HOXC13: variants seen among roughly 807,000 people sequenced by gnomAD.
HOXC13 encodes homeobox C13.
A neutral mutation model predicts 25.9 loss-of-function variants in HOXC13; 10 were observed. That is an observed-to-expected ratio of 0.39 (90% CI 0.24 to 0.65). The LOEUF (loss-of-function observed/expected upper bound fraction) is 0.65. Ranked by LOEUF, HOXC13 falls within the 30% of genes least tolerant of loss-of-function variation. The pLI, the probability that HOXC13 is intolerant of heterozygous loss-of-function variation, is 0.50. For missense variants in HOXC13, 439 were observed against 478.3 expected (o/e 0.92, Z 0.77); for synonymous variants, 233 against 217.1 (o/e 1.07, Z -0.64).
At chr12:53,942,306 T>C (rs1245663494) in intron 1 of HOXC13, among the ~76,000 whole-genome samples, 4 of 151,178 alleles carry the variant, frequency 2.6e-5, no homozygotes, top group African/African-American at 7.3e-5. Context: ...TGGACCACAC[T>C]AGAAGTCTTT....
chr12:53,944,944 C>CT, intron 1 of HOXC13, 56 bp from the exon 2 acceptor site: 1 of 1,607,208 alleles, frequency 6.2e-7, no homozygotes, highest in Non-Finnish European at 8.5e-7. Flanking sequence ...CTCGGGTCCT[C>CT]TATCTCAGTC....
At position 53,946,395 on chromosome 12, in the gene HOXC13, T is replaced by G. The variant is rs1938693468; in HGVS notation, c.*1139T>G. On this transcript the variant is annotated 3_prime_UTR_variant, in exon 2 of 2. Coordinates refer to ENST00000243056, the MANE Select transcript of HOXC13 (RefSeq NM_017410.3). ...ACTGGTGCATTACAAAACAGTGTTC[T>G]TTTGAAATGTTCATCAGGAATAGGC... The G allele has an allele frequency of 4.5e-6, 1 of 220,870 alleles. No homozygotes were observed. 13.7% of individuals were successfully genotyped at this position (220,870 alleles called of 1,614,324 possible). A position where few individuals can be genotyped will look rare whatever the true frequency, so the allele number is the denominator to read the frequency against.
At chr12:53,940,782 G>A (rs1404423240) in intron 1 of HOXC13, among the ~76,000 whole-genome samples, 1 of 152,184 alleles carries the variant, frequency 6.6e-6, no homozygotes, top group African/African-American at 2.4e-5. Flanking sequence ...TTGGGGGTGG[G>A]GGGCCCAGGG....
At position 53,946,453 on chromosome 12, in the gene HOXC13, T is replaced by C. The variant is rs1347035651; in HGVS notation, c.*1197T>C. ...AAAAATGTTGTGTATCTGTATATAG[T>C]ATTGTGATGTCTGAATGACAATGTA... is the stretch of plus-strand genomic sequence containing the variant. On this transcript the variant is annotated 3_prime_UTR_variant, in exon 2 of 2. Coordinates refer to ENST00000243056, the MANE Select transcript of HOXC13 (RefSeq NM_017410.3). The C allele has an allele frequency of 4.8e-6, 1 of 210,118 alleles. No homozygotes were observed. The highest frequency in any genetic ancestry group is 2.3e-5 in the African/African-American group (1 of 44,042). 13.0% of individuals were successfully genotyped at this position (210,118 alleles called of 1,614,324 possible).
In HOXC13 at chr12:53,945,260, C is replaced by A. The variant is rs1291918842; in HGVS notation, c.*4C>A. On this transcript the variant is annotated 3_prime_UTR_variant, in exon 2 of 2. Coordinates refer to ENST00000243056, the MANE Select transcript of HOXC13 (RefSeq NM_017410.3). The surrounding 1 kb of genome is among the most constrained non-coding windows in gnomAD (Gnocchi z 4.4). ...GCCTCATCTCCACTCCACCTGACCA[C>A]CCACCCGCTGCTTGCCCCATCTATT... 4 of 1,613,716 alleles carry A rather than the reference C, an allele frequency of 2.5e-6. No individual in the cohort carries two copies. The highest frequency in any genetic ancestry group is 3.4e-6 in the Non-Finnish European group (4 of 1,179,694).
intron 1 of HOXC13, among the ~76,000 whole-genome samples, chr12:53,942,519 A>G (rs1269725399): frequency 1.3e-5 from 2 of 152,120 alleles, no homozygotes; most frequent in Admixed American, 6.5e-5. Flanking sequence ...TTACTCCTCA[A>G]AGGTGTCTAT....
intron 1 of HOXC13, among the ~76,000 whole-genome samples, chr12:53,942,440 G>A (rs941051080): frequency 9.9e-5 from 15 of 151,670 alleles, no homozygotes; most frequent in African/African-American, 3.6e-4. Context: ...GGTGGGCTGT[G>A]GGGAGCTGAA....
chr12:53,941,260 C>T (rs79216850), intron 1 of HOXC13, among the ~76,000 whole-genome samples: 4,264 of 152,226 alleles, frequency 0.028, 174 homozygotes, highest in African/African-American at 0.096. Context: ...AGAGAGATGG[C>T]CCTTTAATTC....
rs993596448 is a variant in HOXC13, at chr12:53,939,826, C to A, written c.736+184C>A. 5.3e-5 allele frequency among the ~76,000 whole-genome samples: 8 copies of A among 152,232 alleles called. No individual in the cohort carries two copies. The highest frequency in any genetic ancestry group is 1.3e-4 in the Admixed American group (2 of 15,288). On this transcript the variant is annotated intron_variant, in intron 1 of 1. Transcript: ENST00000243056. This position sits in a 1 kb window ranked among gnomAD's most constrained non-coding sequence, Gnocchi z 6.7. ...GCCGGGGAAGAAATCTGCTCCGACA[C>A]GTTCTCTGTAGCTGCCCGGCCGAGA...
At position 53,939,236 on chromosome 12, in the gene HOXC13, A is replaced by C. The variant is rs2136354855; in HGVS notation, c.330A>C (p.Ala110=). The stretch of plus-strand genomic sequence containing the variant: ...CGCGCCAGTGTGCCCCGCCGCCCGC[A>C]CCCCCCACCTCGTCCAGCGCCACCC... ...EAARQCAPPP[A]PPTSSSATLG... is the part of the protein sequence containing the mutation. Residue 110 remains alanine (A), a synonymous_variant, in exon 1 of 2, where the codon GCA becomes GCC. Transcript: ENST00000243056. The surrounding 1 kb of genome is among the most constrained non-coding windows in gnomAD (Gnocchi z 6.7). 6.5e-7 allele frequency: 1 copy of C among 1,537,684 alleles called. No individual in the cohort carries two copies. Among genetic ancestry groups the C allele is most frequent in the South Asian group, 1.2e-5 (1 of 83,174 alleles).
chr12:53,938,839 G>T lies in HOXC13; in HGVS notation c.-68G>T. 7.4e-7 allele frequency: 1 copy of T among 1,350,178 alleles called. No individual in the cohort carries two copies. Among genetic ancestry groups the T allele is most frequent in the Non-Finnish European group, 9.9e-7 (1 of 1,012,290 alleles). The allele number at this position is 1,350,178 out of a possible 1,614,324, so 83.6% of individuals were successfully genotyped here. A position where few individuals can be genotyped will look rare whatever the true frequency, so the allele number is the denominator to read the frequency against. On this transcript the variant is annotated 5_prime_UTR_variant, in exon 1 of 2. Coordinates refer to ENST00000243056, the MANE Select transcript of HOXC13 (RefSeq NM_017410.3). ...AGGGATGGGGGGAGGGGAAACAGGA[G>T]CGAGGTGTCTCCCTAGCTCGCTGCC...
rs766157982 is a variant in HOXC13, at chr12:53,938,918, G to T, written c.12G>T (p.Ser4=). ...CAGCAGATCATGTCATGACGACTTC[G>T]CTGCTCCTGCATCCACGCTGGCCGG... MTT[S]LLLHPRWPES... is the part of the protein sequence containing the mutation. The change falls in exon 1 of 2, where the codon TCG becomes TCT. Residue 4 remains serine, a synonymous_variant. Coordinates refer to ENST00000243056, the MANE Select transcript of HOXC13 (RefSeq NM_017410.3). 10 of 1,557,492 alleles carry T rather than the reference G, an allele frequency of 6.4e-6. 1 individual carries two copies. In the South Asian group the frequency reaches 1.0e-4, roughly 16 times the overall value.
In HOXC13 at chr12:53,945,476, T is replaced by A; in HGVS notation, c.*220T>A. The A allele has an allele frequency of 3.4e-6, 2 of 592,726 alleles. No homozygotes were observed. The highest frequency in any genetic ancestry group is 5.9e-6 in the Non-Finnish European group (2 of 336,270). The allele number at this position is 592,726 out of a possible 1,614,324, so 36.7% of individuals were successfully genotyped here. ...CACCCCCATCCAGATGGGACTCACGTGGCTTCAACAGCTTTGGAAATGGGT... is the reference window on the plus strand; with the variant it reads ...CACCCCCATCCAGATGGGACTCACGAGGCTTCAACAGCTTTGGAAATGGGT... On this transcript the variant is annotated 3_prime_UTR_variant, in exon 2 of 2. Transcript: ENST00000243056. This position sits in a 1 kb window ranked among gnomAD's most constrained non-coding sequence, Gnocchi z 4.4.
chr12:53,939,675 G>A lies in HOXC13; in HGVS notation c.736+33G>A, dbSNP rs1196982304. The A allele has an allele frequency of 1.5e-6, 2 of 1,348,354 alleles. No homozygotes were observed. Among genetic ancestry groups the A allele is most frequent in the African/African-American group, 3.0e-5 (2 of 65,974 alleles). The allele number at this position is 1,348,354 out of a possible 1,614,324, so 83.5% of individuals were successfully genotyped here. ...AGGGACCCGAGCGCCGCCGCCGCCG[G>A]GGACCCCTCCCCGCCCTGCCTGCCC... On this transcript the variant is annotated intron_variant, in intron 1 of 1. Coordinates refer to ENST00000243056, the MANE Select transcript of HOXC13 (RefSeq NM_017410.3). This position sits in a 1 kb window ranked among gnomAD's most constrained non-coding sequence, Gnocchi z 6.7.
chr12:53,939,507 C>T lies in HOXC13; in HGVS notation c.601C>T (p.Pro201Ser), dbSNP rs770710514. ...GGTGGTGCCCGGGATCAGCGGGCAC[C>T]CGGAGCCGCGTCACGACGCCCTCAT... ...VSVVPGISGH[P>S]EPRHDALIPV... The change falls in exon 1 of 2, where the codon CCG (proline) becomes TCG (serine). Residue 201 changes from proline to serine, a missense_variant. Coordinates refer to ENST00000243056, the MANE Select transcript of HOXC13 (RefSeq NM_017410.3). This position sits in a 1 kb window ranked among gnomAD's most constrained non-coding sequence, Gnocchi z 6.7. The T allele has an allele frequency of 6.2e-7, 1 of 1,611,066 alleles. No individual in the cohort carries two copies. Among genetic ancestry groups the T allele is most frequent in the African/African-American group, 1.3e-5 (1 of 74,910 alleles).
Position 53,945,463 on chromosome 12 carries a change from G to T in HOXC13, c.*207G>T, listed in dbSNP as rs1938679643. The stretch of plus-strand genomic sequence containing the variant: ...CATCCCCAGCCTCCACCCCCATCCA[G>T]ATGGGACTCACGTGGCTTCAACAGC... On this transcript the variant is annotated 3_prime_UTR_variant, in exon 2 of 2. Coordinates refer to ENST00000243056, the MANE Select transcript of HOXC13 (RefSeq NM_017410.3). This position sits in a 1 kb window ranked among gnomAD's most constrained non-coding sequence, Gnocchi z 4.4. 2 of 616,684 alleles carry T rather than the reference G, an allele frequency of 3.2e-6. No homozygotes were observed. The highest frequency in any genetic ancestry group is 3.0e-5 in the Admixed American group (1 of 33,728). The allele number at this position is 616,684 out of a possible 1,614,324, so 38.2% of individuals were successfully genotyped here. A position where few individuals can be genotyped will look rare whatever the true frequency, so the allele number is the denominator to read the frequency against.
chr12:53,946,528 AT>A lies in HOXC13; in HGVS notation c.*1273del, dbSNP rs2136358917. ...CACAAACATGTTTTTAAAATAAAAT[AT>A]CTTTTTTTGCCTTGATTTTATTGCT... On this transcript the variant is annotated 3_prime_UTR_variant, in exon 2 of 2. Transcript: ENST00000243056. 5.3e-6 allele frequency: 1 copy of A among 188,944 alleles called. No individual in the cohort carries two copies. The highest frequency in any genetic ancestry group is 1.1e-5 in the Non-Finnish European group (1 of 89,622). 11.7% of individuals were successfully genotyped at this position (188,944 alleles called of 1,614,324 possible). A position where few individuals can be genotyped will look rare whatever the true frequency, so the allele number is the denominator to read the frequency against.
In HOXC13 at chr12:53,942,724, G is replaced by A. The variant is rs115711125; in HGVS notation, c.737-2276G>A. ...ATAAGGCAGCAGACAAAGAAAGGGGGCTTCTTTGAGAAGGCAAGACTGGAG... is the reference window on the plus strand; with the variant it reads ...ATAAGGCAGCAGACAAAGAAAGGGGACTTCTTTGAGAAGGCAAGACTGGAG... On this transcript the variant is annotated intron_variant, in intron 1 of 1. Coordinates refer to ENST00000243056, the MANE Select transcript of HOXC13 (RefSeq NM_017410.3). Among the ~76,000 whole-genome samples the A allele has an allele frequency of 5.0e-3, 757 of 152,270 alleles. 7 individuals are homozygous for A. The highest frequency in any genetic ancestry group is 0.017 in the African/African-American group (727 of 41,554).
rs904690705 is a variant in HOXC13, at chr12:53,945,056, G to A, written c.793G>A (p.Val265Met). 5 of 1,614,072 alleles carry A rather than the reference G, an allele frequency of 3.1e-6. No homozygotes were observed. The highest frequency in any genetic ancestry group is 1.3e-5 in the African/African-American group (1 of 75,040). The part of the protein sequence containing the change: ...SSYRRGRKKR[V>M]PYTKVQLKEL... ...CTACCGGCGCGGGCGCAAGAAACGC[G>A]TGCCCTACACTAAGGTGCAGCTGAA... The change falls in exon 2 of 2, where the codon GTG (valine) becomes ATG (methionine). Residue 265 changes from valine (V) to methionine (M), a missense_variant. By Grantham distance (21) the Val-to-Met change is conservative. Transcript: ENST00000243056. The surrounding 1 kb of genome is among the most constrained non-coding windows in gnomAD (Gnocchi z 4.4).
Sources: gnomAD v4.1 joint callset for allele counts (sites outside exome capture counted in the v4.1 genomes callset) on GRCh38, gnomAD v4.1.1 for gene constraint, Gnocchi (gnomAD v3.1) non-coding constraint, MANE v1.5 for transcripts, NCBI Gene and HGNC (gene_info 2026-07-23, HGNC 2026-07-21) for gene names.